The following DAB1 variants were observed in gnomAD, a reference collection of about 807,000 sequenced individuals.
The protein encoded by DAB1 is disabled homolog 1.
A neutral mutation model predicts 64.6 loss-of-function variants in DAB1; 15 were observed. That is an observed-to-expected ratio of 0.23 (90% CI 0.16 to 0.36). The LOEUF (loss-of-function observed/expected upper bound fraction) is 0.36, where lower values mean the gene tolerates loss of function less well. Among genes scored for constraint, DAB1 ranks in the 10% least tolerant of loss-of-function variants. The probability of loss-of-function intolerance (pLI) is 1.00; values close to 1 mark genes in which losing one functional copy is unlikely to be tolerated. For synonymous variants in DAB1, 235 were observed against 251.9 expected, an observed-to-expected ratio of 0.93 and a Z score of 0.64; for missense variants, 596 against 706.7, an observed-to-expected ratio of 0.84 and a Z score of 1.78.
At chr1:57,574,931 A>G (rs1320948771) in intron 7 of DAB1, among the ~76,000 whole-genome samples, 1 of 152,112 alleles carries the variant, frequency 6.6e-6, no homozygotes, top group Non-Finnish European at 1.5e-5. Flanking sequence ...TTCAATCTCT[A>G]TTTCCTCATC....
intron 3 of DAB1, among the ~76,000 whole-genome samples, chr1:58,478,296 T>A (rs1203755945): frequency 6.6e-6 from 1 of 152,206 alleles, no homozygotes. Context: ...TCCCCAGCCA[T>A]GTAGAACTGT....
chr1:57,413,258 A>G (rs1429167842), intron 1 of DAB1, among the ~76,000 whole-genome samples: 2 of 152,222 alleles, frequency 1.3e-5, no homozygotes, highest in Non-Finnish European at 2.9e-5. Context: ...TAATGAAGAC[A>G]TACAAGGAAA....
chr1:57,058,820 A>C (rs532085177), intron 9 of DAB1, among the ~76,000 whole-genome samples: 1 of 152,246 alleles, frequency 6.6e-6, no homozygotes, highest in Admixed American at 6.5e-5. Flanking sequence ...TTACTACCAC[A>C]GTCCTCAGCG....
chr1:58,249,819 C>A (rs1660719260), intron 4 of DAB1, among the ~76,000 whole-genome samples: 1 of 152,164 alleles, frequency 6.6e-6, no homozygotes, highest in Non-Finnish European at 1.5e-5. Flanking sequence ...TCCCAGGGGT[C>A]GCCCTGGCGC....
At chr1:57,955,685 C>T (rs752188975) in intron 5 of DAB1, among the ~76,000 whole-genome samples, 4 of 151,956 alleles carry the variant, frequency 2.6e-5, no homozygotes, top group Non-Finnish European at 5.9e-5. Context: ...CAAATTAGCA[C>T]AAGAGCAACT....
At chr1:57,258,722 G>T (rs759093629) in intron 2 of DAB1, among the ~76,000 whole-genome samples, 1 of 152,168 alleles carries the variant, frequency 6.6e-6, no homozygotes, top group Non-Finnish European at 1.5e-5. Context: ...GACAGGATTT[G>T]CTCGCTCTCC....
intron 2 of DAB1, among the ~76,000 whole-genome samples, chr1:57,221,361 C>T (rs959971041): frequency 5.9e-5 from 9 of 151,280 alleles, no homozygotes; most frequent in African/African-American, 1.2e-4. Context: ...CAAACTTGCA[C>T]GTTGTGCACA....
chr1:58,235,885 G>A (rs146058268), intron 4 of DAB1, among the ~76,000 whole-genome samples: 1,939 of 152,282 alleles, frequency 0.013, 16 homozygotes, highest in Non-Finnish European at 0.018. Context: ...AGAGAGAGAG[G>A]TCTTCTTTTT....
At chr1:57,159,856 C>CAAAAATAAAA (rs1660576227) in intron 2 of DAB1, among the ~76,000 whole-genome samples, 1 of 86,346 alleles carries the variant, frequency 1.2e-5, no homozygotes, top group Non-Finnish European at 2.2e-5. Flanking sequence ...AGCAGCAAGA[C>CAAAAATAAAA]AAAAAAAAAA....
chr1:57,551,741 T>C (rs953870483), intron 7 of DAB1, among the ~76,000 whole-genome samples: 2 of 152,192 alleles, frequency 1.3e-5, no homozygotes, highest in Non-Finnish European at 2.9e-5. Flanking sequence ...GGAGTTTGCA[T>C]AAGTGGTGTG....
At chr1:57,544,709 T>C (rs1644837711) in intron 7 of DAB1, among the ~76,000 whole-genome samples, 1 of 152,196 alleles carries the variant, frequency 6.6e-6, no homozygotes, top group Non-Finnish European at 1.5e-5. Flanking sequence ...ATCATGGCAG[T>C]GGTTACCCCC....
intron 2 of DAB1, among the ~76,000 whole-genome samples, chr1:57,246,082 G>A (rs1261928992): frequency 1.3e-5 from 2 of 152,216 alleles, no homozygotes; most frequent in African/African-American, 2.4e-5. Context: ...CTCATTTTCT[G>A]GGGAGAAATT....
At chr1:57,745,029 A>G (rs927153905) in intron 6 of DAB1, among the ~76,000 whole-genome samples, 3 of 152,226 alleles carry the variant, frequency 2.0e-5, no homozygotes, top group Non-Finnish European at 4.4e-5. Context: ...ATCTCATGTC[A>G]GAAAATCTGA....
At chr1:58,496,130 T>A (rs74353304) in intron 3 of DAB1, among the ~76,000 whole-genome samples, 1 of 152,144 alleles carries the variant, frequency 6.6e-6, no homozygotes, top group Non-Finnish European at 1.5e-5. Context: ...GCAGCTTGGA[T>A]TTCCTGGTGC....
intron 7 of DAB1, among the ~76,000 whole-genome samples, chr1:57,544,257 T>C (rs1644833212): frequency 1.3e-5 from 2 of 152,200 alleles, no homozygotes; most frequent in African/African-American, 2.4e-5. Context: ...GATTAGCAAT[T>C]CAACATTTTA....
intron 6 of DAB1, among the ~76,000 whole-genome samples, chr1:57,701,731 AAAAT>A (rs1646910930): frequency 1.3e-5 from 2 of 152,172 alleles, no homozygotes; most frequent in Admixed American, 1.3e-4. Context: ...ATAACAAAAA[AAAAT>A]AGTCTTCAAG....
At chr1:57,152,411 C>T (rs1016828931) in intron 2 of DAB1, among the ~76,000 whole-genome samples, 2 of 152,162 alleles carry the variant, frequency 1.3e-5, no homozygotes, top group African/African-American at 2.4e-5. Flanking sequence ...TTCAAGTAAT[C>T]CGAGAATTGA....
intron 7 of DAB1, among the ~76,000 whole-genome samples, chr1:57,589,619 T>G (rs1354953933): frequency 1.3e-5 from 2 of 151,964 alleles, no homozygotes; most frequent in African/African-American, 4.8e-5. Context: ...TAGCCAGGTG[T>G]GGTGGTGCAT....
At chr1:58,052,642 G>C (rs1269101881) in intron 5 of DAB1, among the ~76,000 whole-genome samples, 1 of 152,088 alleles carries the variant, frequency 6.6e-6, no homozygotes, top group Non-Finnish European at 1.5e-5. Context: ...TGGGCAGTAT[G>C]GCCATTTTCA....
Sources: gnomAD v4.1 joint callset for allele counts (sites outside exome capture counted in the v4.1 genomes callset) on GRCh38, gnomAD v4.1.1 for gene constraint, MANE v1.5 for transcripts, NCBI Gene and HGNC (gene_info 2026-07-23, HGNC 2026-07-21) for gene names.